Variants in MDFIC observed in about 807,000 individuals in gnomAD.
The protein encoded by MDFIC is MyoD family inhibitor domain containing.
Under a neutral mutation model 23.2 loss-of-function variants are expected in MDFIC, and 17 were observed. The observed-to-expected ratio is 0.73, with a 90% CI of 0.50 to 1.10. The LOEUF (loss-of-function observed/expected upper bound fraction) is 1.10. Among genes scored for constraint, MDFIC ranks in the 50% least tolerant of loss-of-function variants. MDFIC has a pLI of 0.00. For missense variants in MDFIC, 356 were observed against 316.6 expected (o/e 1.12, Z -0.95); for synonymous variants, 120 against 115.2 (o/e 1.04, Z -0.27).
chr7:115,010,738 G>A (rs1791666910), intron 4 of MDFIC, among the ~76,000 whole-genome samples: 1 of 152,056 alleles, frequency 6.6e-6, no homozygotes, highest in South Asian at 2.1e-4. Flanking sequence ...ACTGCATATG[G>A]AGCTCTTGAT....
intron 2 of MDFIC, among the ~76,000 whole-genome samples, chr7:114,925,667 A>G (rs1291984922): frequency 6.6e-6 from 1 of 152,210 alleles, no homozygotes; most frequent in Non-Finnish European, 1.5e-5. Context: ...TGGAGAGCTC[A>G]TGGGCCAGGA....
At chr7:114,934,114 T>A (rs1792381405) in intron 2 of MDFIC, 1 of 152,216 alleles carries the variant, frequency 6.6e-6, no homozygotes, top group Admixed American at 6.5e-5. Flanking sequence ...AGCCTATGAA[T>A]GTTTGGCTTT....
chr7:115,016,008 T>C lies in MDFIC; in HGVS notation c.*73T>C. 1 of 1,422,040 alleles carries C rather than the reference T, an allele frequency of 7.0e-7. No homozygotes were observed. Among genetic ancestry groups the C allele is most frequent in the Admixed American group, 2.0e-5 (1 of 49,738 alleles). 88.1% of individuals were successfully genotyped at this position (1,422,040 alleles called of 1,614,324 possible). On this transcript the variant is annotated 3_prime_UTR_variant, in exon 5 of 5. Coordinates refer to ENST00000393486, the MANE Select transcript of MDFIC (RefSeq NM_001166345.3). ...CCTTTTGGGGGGAAGAAAAGCACAT[T>C]GTAAGATTCTCATGAAACAACATGG...
chr7:114,968,341 T>C (rs1356313977), intron 3 of MDFIC, among the ~76,000 whole-genome samples: 1 of 152,194 alleles, frequency 6.6e-6, no homozygotes, highest in African/African-American at 2.4e-5. Flanking sequence ...GAGAAAATAA[T>C]GTCATTTTTA....
intron 3 of MDFIC, among the ~76,000 whole-genome samples, chr7:114,949,730 A>T (rs1244447370): frequency 6.6e-6 from 1 of 152,152 alleles, no homozygotes; most frequent in African/African-American, 2.4e-5. Flanking sequence ...AATGTGTATT[A>T]TGAGTGCTCC....
intron 2 of MDFIC, among the ~76,000 whole-genome samples, chr7:114,939,624 A>G (rs763136959): frequency 6.6e-6 from 1 of 152,168 alleles, no homozygotes; most frequent in African/African-American, 2.4e-5. Flanking sequence ...ATCTATGTGT[A>G]TATGGTCCAC....
At chr7:114,967,830 CTTTT>C (rs56343596) in intron 3 of MDFIC, among the ~76,000 whole-genome samples, 1 of 118,816 alleles carries the variant, frequency 8.4e-6, no homozygotes, top group Non-Finnish European at 1.8e-5. Flanking sequence ...TCTTTCTTTT[CTTTT>C]TTTTTTTTTT....
intron 4 of MDFIC, among the ~76,000 whole-genome samples, chr7:115,000,655 A>T (rs1409269805): frequency 2.6e-5 from 4 of 152,216 alleles, no homozygotes; most frequent in Non-Finnish European, 5.9e-5. Flanking sequence ...TGAAATGATA[A>T]AAAAGGACAT....
intron 4 of MDFIC, among the ~76,000 whole-genome samples, chr7:115,011,989 A>G (rs1261876457): frequency 6.6e-6 from 1 of 152,222 alleles, no homozygotes; most frequent in Non-Finnish European, 1.5e-5. Flanking sequence ...TTTGCTAATT[A>G]TCAGATTTTT....
chr7:114,958,436 C>T (rs1446709763), intron 3 of MDFIC, among the ~76,000 whole-genome samples: 14 of 152,096 alleles, frequency 9.2e-5, no homozygotes, highest in Admixed American at 7.2e-4. Flanking sequence ...AGGTTATCAC[C>T]GTTACCTTAA....
In MDFIC at chr7:115,016,159, T is replaced by C. The variant is rs190633827; in HGVS notation, c.*224T>C. Reference sequence around the variant, plus strand: ...TAGTTTTATAAATTTCTTAATATGTTACAATAACTTAGGGACATTTTGACA... The same window carrying C: ...TAGTTTTATAAATTTCTTAATATGTCACAATAACTTAGGGACATTTTGACA... On this transcript the variant is annotated 3_prime_UTR_variant, in exon 5 of 5. Transcript: ENST00000393486. 2.1e-6 allele frequency: 1 copy of C among 479,718 alleles called. No homozygotes were observed. 29.7% of individuals were successfully genotyped at this position (479,718 alleles called of 1,614,324 possible).
chr7:114,973,945 A>G (rs1196059940), intron 3 of MDFIC, among the ~76,000 whole-genome samples: 1 of 152,182 alleles, frequency 6.6e-6, no homozygotes, highest in Non-Finnish European at 1.5e-5. Context: ...AAGATGGAAA[A>G]TATGATGTCA....
chr7:114,990,488 T>C (rs1793587293), intron 4 of MDFIC, among the ~76,000 whole-genome samples: 1 of 152,210 alleles, frequency 6.6e-6, no homozygotes, highest in South Asian at 2.1e-4. Flanking sequence ...CTCCTAATGC[T>C]ATCCCTCCCC....
chr7:114,929,722 A>G (rs536546394), intron 2 of MDFIC, among the ~76,000 whole-genome samples: 17 of 152,286 alleles, frequency 1.1e-4, no homozygotes, highest in African/African-American at 3.9e-4. Context: ...TGCATGGAAG[A>G]CTTCTCTTGC....
chr7:114,922,125 G>C lies in MDFIC; in HGVS notation c.-619G>C. On this transcript the variant is annotated 5_prime_UTR_variant, in exon 1 of 5. Transcript: ENST00000393486. ...TCCCCTTTCCCAGCCCCGGGAGGGC[G>C]CAGCGCCCGGGTGGGGAGCCCGAGC... 1 of 315,400 alleles carries C rather than the reference G, an allele frequency of 3.2e-6. No homozygotes were observed. Among genetic ancestry groups the C allele is most frequent in the Non-Finnish European group, 5.8e-6 (1 of 173,360 alleles). The allele number at this position is 315,400 out of a possible 1,614,324, so 19.5% of individuals were successfully genotyped here.
chr7:114,947,373 A>G (rs559248743), intron 3 of MDFIC, among the ~76,000 whole-genome samples: 1 of 152,312 alleles, frequency 6.6e-6, no homozygotes, highest in South Asian at 2.1e-4. Context: ...TGACTGTAGT[A>G]CACATGCTTT....
At chr7:114,952,231 C>T (rs1164886132) in intron 3 of MDFIC, among the ~76,000 whole-genome samples, 1 of 152,170 alleles carries the variant, frequency 6.6e-6, no homozygotes, top group Non-Finnish European at 1.5e-5. Flanking sequence ...GTGAAACAAT[C>T]GCCATGGGCA....
chr7:114,949,568 G>T lies in MDFIC; in HGVS notation c.217+7171G>T, dbSNP rs550113321. 5.9e-5 allele frequency among the ~76,000 whole-genome samples: 9 copies of T among 152,298 alleles called. No homozygotes were observed. The East Asian group carries it at 1.2e-3, about 20-fold the overall frequency. On this transcript the variant is annotated intron_variant, in intron 3 of 4. Coordinates refer to ENST00000393486, the MANE Select transcript of MDFIC (RefSeq NM_001166345.3). The stretch of plus-strand genomic sequence containing the variant: ...AAATTTGTGAATTAGGAATTAAAGA[G>T]TAATTTTAAAAACAAAATTAAAAAT...
chr7:114,922,127 A>C lies in MDFIC; in HGVS notation c.-617A>C. The C allele has an allele frequency of 3.2e-6, 1 of 313,764 alleles. No homozygotes were observed. The allele number at this position is 313,764 out of a possible 1,614,324, so 19.4% of individuals were successfully genotyped here. ...CCCTTTCCCAGCCCCGGGAGGGCGC[A>C]GCGCCCGGGTGGGGAGCCCGAGCCA... On this transcript the variant is annotated 5_prime_UTR_variant, in exon 1 of 5. Transcript: ENST00000393486.
Sources: allele counts gnomAD v4.1 joint callset (sites outside exome capture counted in the v4.1 genomes callset), GRCh38; gene constraint gnomAD v4.1.1; transcripts MANE v1.5; gene names NCBI Gene and HGNC (gene_info 2026-07-23, HGNC 2026-07-21).